The following ZNF813 variants were observed in gnomAD, a reference collection of about 807,000 sequenced individuals.
ZNF813 encodes zinc finger protein 813.
ZNF813 carries 3 observed loss-of-function variants against 7.2 expected under a neutral mutation model. That is an observed-to-expected ratio of 0.42 (90% CI 0.19 to 1.08). The LOEUF is 1.08. ZNF813 is among the 50% of genes least tolerant of loss of function. The probability of loss-of-function intolerance (pLI) is 0.30; values close to 1 mark genes in which losing one functional copy is unlikely to be tolerated. For synonymous variants in ZNF813, 227 were observed against 256.3 expected (o/e 0.89, Z 1.09); for missense variants, 714 against 753.3 (o/e 0.95, Z 0.61).
intron 1 of ZNF813, among the ~76,000 whole-genome samples, chr19:53,472,903 C>T (rs1433816361): frequency 6.6e-6 from 1 of 152,150 alleles, no homozygotes; most frequent in Non-Finnish European, 1.5e-5. Flanking sequence ...TGAGTGACCA[C>T]ACCTGGCCTT....
chr19:53,478,272 C>T (rs979834669), intron 1 of ZNF813, among the ~76,000 whole-genome samples: 3 of 152,100 alleles, frequency 2.0e-5, no homozygotes, highest in African/African-American at 4.8e-5. Context: ...TGGGCTTAAG[C>T]GATCCTCCTA....
intron 1 of ZNF813, among the ~76,000 whole-genome samples, chr19:53,477,282 G>A: frequency 6.6e-6 from 1 of 152,050 alleles, no homozygotes; most frequent in East Asian, 1.9e-4. Context: ...GACTAGCATT[G>A]GACTAAAATC....
rs190561921 is a variant in ZNF813, at chr19:53,483,199, C to T, written c.-73-551C>T. Among the ~76,000 whole-genome samples, 384 of 151,970 alleles carry T rather than the reference C, an allele frequency of 2.5e-3. 3 individuals are homozygous for T. Among genetic ancestry groups the T allele is most frequent in the African/African-American group, 8.5e-3 (354 of 41,420 alleles). Reference sequence around the variant, plus strand: ...TGCTAGTATTACAGGCACGAGCCACCGTGCCCGGCTCAATTTTTGTATTTT... The same window carrying T: ...TGCTAGTATTACAGGCACGAGCCACTGTGCCCGGCTCAATTTTTGTATTTT... On this transcript the variant is annotated intron_variant, in intron 1 of 3. Coordinates refer to ENST00000396403, the MANE Select transcript of ZNF813 (RefSeq NM_001004301.4).
In ZNF813 at chr19:53,482,727, T is replaced by G. The variant is rs996735829; in HGVS notation, c.-73-1023T>G. 1.7e-3 allele frequency among the ~76,000 whole-genome samples: 233 copies of G among 137,138 alleles called. 1 individual carries two copies. Among genetic ancestry groups the G allele is most frequent in the African/African-American group, 5.6e-3 (201 of 36,092 alleles). The allele number at this position is 137,138 out of a possible 152,430, so 90.0% of individuals were successfully genotyped here. A position where few individuals can be genotyped will look rare whatever the true frequency, so the allele number is the denominator to read the frequency against. ...AATGCTTTTTGTTTTTTTTTTTTTT[T>G]TTTTTTTTTTTTGAGAGACAGAATC... On this transcript the variant is annotated intron_variant, in intron 1 of 3. Transcript: ENST00000396403.
chr19:53,490,315 T>C, intron 3 of ZNF813, 60 bp from the exon 4 acceptor site: 1 of 1,547,782 alleles, frequency 6.5e-7, no homozygotes, highest in African/African-American at 1.4e-5. Context: ...CATTTACACA[T>C]TTCAGTATTA....
At chr19:53,478,079 C>T (rs2147156803) in intron 1 of ZNF813, among the ~76,000 whole-genome samples, 1 of 152,288 alleles carries the variant, frequency 6.6e-6, no homozygotes, top group Non-Finnish European at 1.5e-5. Flanking sequence ...GTGAATCACT[C>T]TATTCCCTTT....
chr19:53,491,216 G>A lies in ZNF813; in HGVS notation c.984G>A (p.Lys328=). Residue 328 remains lysine, a synonymous_variant, in exon 4 of 4, where the codon AAG becomes AAA. Transcript: ENST00000396403. ...RRIHAGEKPY[K]CNECGKTFSQ... ...TTCATGCTGGAGAAAAACCATACAA[G>A]TGTAATGAATGTGGCAAGACCTTTA... The A allele has an allele frequency of 1.2e-6, 2 of 1,613,858 alleles. No homozygotes were observed. The highest frequency in any genetic ancestry group is 1.7e-6 in the Non-Finnish European group (2 of 1,179,778).
chr19:53,491,773 A>G lies in ZNF813; in HGVS notation c.1541A>G (p.His514Arg), dbSNP rs777823356. The G allele has an allele frequency of 4.5e-6, 7 of 1,572,132 alleles. No homozygotes were observed. The Admixed American group carries it at 1.2e-4, about 27-fold the overall frequency. Residue 514 changes from histidine (H) to arginine (R), a missense_variant, in exon 4 of 4, where the codon CAT becomes CGT. Around this residue, in one of 3 missense-constraint regions of ZNF813, gnomAD observed 122 missense variants for 146.8 expected, o/e 0.83. Coordinates refer to ENST00000396403, the MANE Select transcript of ZNF813 (RefSeq NM_001004301.4). Reference sequence around the variant, plus strand: ...CGGAAAACACACCTTGCATGTCATCATAGACTTCATACTGGAGAGAAACCT... The same window carrying G: ...CGGAAAACACACCTTGCATGTCATCGTAGACTTCATACTGGAGAGAAACCT... ...FNRKTHLACHHRLHTGEKPYK... is the reference protein window; with the variant it reads ...FNRKTHLACHRRLHTGEKPYK...
intron 1 of ZNF813, chr19:53,479,761 C>T (rs1426930148): frequency 1.6e-5 from 20 of 1,289,584 alleles, no homozygotes; most frequent in Middle Eastern, 1.8e-4. Flanking sequence ...TTGAAAGAGA[C>T]ATGGAATGCA....
intron 2 of ZNF813, among the ~76,000 whole-genome samples, chr19:53,485,319 C>T (rs1255258219): frequency 6.6e-6 from 1 of 152,000 alleles, no homozygotes; most frequent in East Asian, 1.9e-4. Flanking sequence ...AAGATGAGAT[C>T]CCTCTTCAGT....
chr19:53,482,653 C>G (rs577708759), intron 1 of ZNF813, among the ~76,000 whole-genome samples: 12 of 148,900 alleles, frequency 8.1e-5, no homozygotes, highest in Non-Finnish European at 1.5e-4. Flanking sequence ...GCCCGTCAGT[C>G]TCTATCACGT....
In ZNF813 at chr19:53,472,112, T is replaced by G. The variant is rs1039619370; in HGVS notation, c.-74+4323T>G. Among the ~76,000 whole-genome samples the G allele has an allele frequency of 3.9e-5, 6 of 152,130 alleles. No homozygotes were observed. In the East Asian group the frequency reaches 7.7e-4, roughly 20 times the overall value. Reference sequence around the variant, plus strand: ...CTTTTTGATAACATATAGGTAGGTTTCTGGGTAGGTGTGTGTGGAGACATG... The same window carrying G: ...CTTTTTGATAACATATAGGTAGGTTGCTGGGTAGGTGTGTGTGGAGACATG... On this transcript the variant is annotated intron_variant, in intron 1 of 3. Coordinates refer to ENST00000396403, the MANE Select transcript of ZNF813 (RefSeq NM_001004301.4).
intron 3 of ZNF813, among the ~76,000 whole-genome samples, chr19:53,490,120 T>C (rs572311207): frequency 3.3e-5 from 5 of 152,230 alleles, no homozygotes; most frequent in Non-Finnish European, 7.3e-5. Flanking sequence ...AAAATACTCC[T>C]TACTTTAGGC....
In ZNF813 at chr19:53,494,520, G is replaced by C. The variant is rs1170963826; in HGVS notation, c.*2434G>C. The stretch of plus-strand genomic sequence containing the variant: ...TAGCCAGGCATGGTGGCAAATGCCT[G>C]TAATCCCAGATACTCTGGAGGCTGA... On this transcript the variant is annotated 3_prime_UTR_variant, in exon 4 of 4. Transcript: ENST00000396403. 1 of 152,088 alleles carries C rather than the reference G, an allele frequency of 6.6e-6. No individual in the cohort carries two copies. Among genetic ancestry groups the C allele is most frequent in the Non-Finnish European group, 1.5e-5 (1 of 68,074 alleles). 9.4% of individuals were successfully genotyped at this position (152,088 alleles called of 1,614,324 possible).
chr19:53,491,653 A>G lies in ZNF813; in HGVS notation c.1421A>G (p.Lys474Arg). The change falls in exon 4 of 4, where the codon AAG becomes AGG. Residue 474 changes from lysine to arginine, a missense_variant. Transcript: ENST00000396403. Reference sequence around the variant, plus strand: ...CGTTACAAGTGTAATGAGTGTGGCAAGACGTTCAGTCGAATTTCAGCCCTC... The same window carrying G: ...CGTTACAAGTGTAATGAGTGTGGCAGGACGTTCAGTCGAATTTCAGCCCTC... The part of the protein sequence containing the change: ...EKRYKCNECG[K>R]TFSRISALVI... 2 of 1,613,986 alleles carry G rather than the reference A, an allele frequency of 1.2e-6. No individual in the cohort carries two copies. The highest frequency in any genetic ancestry group is 1.7e-6 in the Non-Finnish European group (2 of 1,179,886).
At chr19:53,489,448 A>C (rs1261862816) in intron 3 of ZNF813, among the ~76,000 whole-genome samples, 4 of 151,932 alleles carry the variant, frequency 2.6e-5, no homozygotes, top group African/African-American at 9.7e-5. Context: ...CTAAAAATAC[A>C]AAAATTAGCC....
Position 53,469,804 on chromosome 19 carries a change from G to A in ZNF813, c.-74+2015G>A, listed in dbSNP as rs945396401. On this transcript the variant is annotated intron_variant, in intron 1 of 3. Transcript: ENST00000396403. Reference sequence around the variant, plus strand: ...CTAGGCTGCCAGAGAGTGGGGACAGGGGGTATAACAGGGAAGAGAGAATTT... The same window carrying A: ...CTAGGCTGCCAGAGAGTGGGGACAGAGGGTATAACAGGGAAGAGAGAATTT... Among the ~76,000 whole-genome samples, 21 of 133,422 alleles carry A rather than the reference G, an allele frequency of 1.6e-4. 1 individual carries two copies. Among genetic ancestry groups the A allele is most frequent in the East Asian group, 6.6e-4 (3 of 4,532 alleles). The allele number at this position is 133,422 out of a possible 152,430, so 87.5% of individuals were successfully genotyped here.
At chr19:53,472,713 A>G (rs2086365484) in intron 1 of ZNF813, among the ~76,000 whole-genome samples, 1 of 150,148 alleles carries the variant, frequency 6.7e-6, no homozygotes, top group Non-Finnish European at 1.5e-5. Flanking sequence ...TCTGGGTTCA[A>G]GCAATTCTCC....
chr19:53,491,580 C>T lies in ZNF813; in HGVS notation c.1348C>T (p.Arg450Ter), dbSNP rs376493623. Residue 450 changes from arginine (R) to a stop codon, truncating the protein, a stop_gained, in exon 4 of 4, where the codon CGA becomes TGA. Transcript: ENST00000396403. LOFTEE classifies it low-confidence loss of function (END_TRUNC). Reference sequence around the variant, plus strand: ...TACTGAGTGTGTCAAGACGTTCAGTCGAAATTCAGCCCTTGTAATTCATAA... The same window carrying T: ...TACTGAGTGTGTCAAGACGTTCAGTTGAAATTCAGCCCTTGTAATTCATAA... The part of the protein sequence containing the change: ...KCTECVKTFS[R>*]NSALVIHKAI... 30 of 1,612,892 alleles carry T rather than the reference C, an allele frequency of 1.9e-5. No homozygotes were observed. The East Asian group carries it at 2.9e-4, about 16-fold the overall frequency.
Sources: gnomAD v4.1 joint callset for allele counts (sites outside exome capture counted in the v4.1 genomes callset) on GRCh38, gnomAD v4.1.1 for gene constraint, gnomAD v4.1.1 regional missense constraint, MANE v1.5 for transcripts, NCBI Gene and HGNC (gene_info 2026-07-23, HGNC 2026-07-21) for gene names.